The following RABL6 variants were observed in gnomAD, a reference collection of about 807,000 sequenced individuals.
RABL6 encodes the protein rab-like protein 6.
In RABL6, 28 loss-of-function variants were observed where a neutral mutation model predicts 72.9. The ratio of observed to expected loss-of-function variants is 0.38; its 90% CI spans 0.28 to 0.53. The LOEUF (loss-of-function observed/expected upper bound fraction) is 0.53, where lower values mean the gene tolerates loss of function less well. Among genes scored for constraint, RABL6 ranks in the 20% least tolerant of loss-of-function variants. The pLI, the probability that RABL6 is intolerant of heterozygous loss-of-function variation, is 0.80. For synonymous variants in RABL6, 477 were observed against 421.2 expected, an observed-to-expected ratio of 1.13 and a Z score of -1.62; for missense variants, 1,029 against 1,008.4, an observed-to-expected ratio of 1.02 and a Z score of -0.28.
At chr9:136,811,961 A>G (rs1848021569) in intron 1 of RABL6, among the ~76,000 whole-genome samples, 1 of 152,230 alleles carries the variant, frequency 6.6e-6, no homozygotes. Flanking sequence ...GGCCTAGAAG[A>G]GGAAGTCCAT....
In RABL6 at chr9:136,837,871, C is replaced by A. The variant is rs577271373; in HGVS notation, c.1136C>A (p.Pro379Gln). Reference sequence around the variant, plus strand: ...GCATCACTGTTCACAGAGCCAGTCCCGGCCGCAGAGGGCCCAGCAACGGTC... The same window carrying A: ...GCATCACTGTTCACAGAGCCAGTCCAGGCCGCAGAGGGCCCAGCAACGGTC... Reference protein sequence around the residue: ...EAAPPPPEPVPAAEGPATVQS... With the variant: ...EAAPPPPEPVQAAEGPATVQS... Residue 379 changes from proline (P) to glutamine (Q), a missense_variant, in exon 10 of 15, where the codon CCG becomes CAG. Transcript: ENST00000311502. 9 of 1,549,382 alleles carry A rather than the reference C, an allele frequency of 5.8e-6. No homozygotes were observed. In the East Asian group the frequency reaches 2.2e-4, roughly 38 times the overall value.
rs952344157 is a variant in RABL6 at position 136,834,240 on chromosome 9, C to T, written c.706-1502C>T. ...AAATCAGTTGTTTTTTTAACCTGAC[C>T]GTAGTACCTAATGTAATACCGCATG... On this transcript the variant is annotated intron_variant, in intron 7 of 14. Transcript: ENST00000311502. 2.7e-5 allele frequency: 32 copies of T among 1,164,678 alleles called. 1 individual carries two copies. The Admixed American group carries it at 3.8e-4, about 14-fold the overall frequency. The allele number at this position is 1,164,678 out of a possible 1,614,324, so 72.1% of individuals were successfully genotyped here. A position where few individuals can be genotyped will look rare whatever the true frequency, so the allele number is the denominator to read the frequency against.
At chr9:136,838,758 T>C (rs1446450771) in intron 10 of RABL6, 151 bp from the exon 11 acceptor site, 5 of 610,574 alleles carry the variant, frequency 8.2e-6, no homozygotes, top group Non-Finnish European at 1.4e-5. Flanking sequence ...CCTGTGACCA[T>C]GAGGGGGCCT....
In RABL6 at chr9:136,838,031, G is replaced by T. The variant is rs1406011732; in HGVS notation, c.1280+16G>T. ...ACAGCGACAGGTGAGGGGTGGGCCT[G>T]GGCCTCCTCTCCCATTGCCCCCCAG... On this transcript the variant is annotated intron_variant, in intron 10 of 14. Coordinates refer to ENST00000311502, the MANE Select transcript of RABL6 (RefSeq NM_024718.5). The T allele has an allele frequency of 7.1e-6, 11 of 1,552,616 alleles. No individual in the cohort carries two copies. The highest frequency in any genetic ancestry group is 1.4e-5 in the African/African-American group (1 of 73,200).
chr9:136,825,667 C>T (rs1588359423), intron 2 of RABL6, 112 bp from the exon 3 acceptor site: 3 of 1,184,902 alleles, frequency 2.5e-6, no homozygotes, highest in East Asian at 4.7e-5. Context: ...ACTCGGAAGT[C>T]CTGGTGGGAG....
chr9:136,834,710 C>T (rs1305393937), intron 7 of RABL6, among the ~76,000 whole-genome samples: 3 of 152,064 alleles, frequency 2.0e-5, no homozygotes, highest in Non-Finnish European at 4.4e-5. Context: ...ATCTCTTGAC[C>T]TCGTGATCTG....
At chr9:136,813,445 T>C (rs1423942928) in intron 1 of RABL6, 1 of 600,836 alleles carries the variant, frequency 1.7e-6, no homozygotes. Context: ...TAGTCTTGAT[T>C]TAGACCTTTC....
intron 1 of RABL6, chr9:136,812,737 C>CG (rs951430780): frequency 3.2e-6 from 1 of 311,916 alleles, no homozygotes; most frequent in Non-Finnish European, 6.3e-6. Context: ...AAAACCCCAG[C>CG]GTCCTTTCTT....
intron 1 of RABL6, among the ~76,000 whole-genome samples, chr9:136,810,825 G>T (rs994816289): frequency 6.6e-6 from 1 of 152,224 alleles, no homozygotes; most frequent in Admixed American, 6.5e-5. Context: ...ACAGGCGTAA[G>T]CCACCATGCC....
chr9:136,834,645 A>C (rs1309656754), intron 7 of RABL6, among the ~76,000 whole-genome samples: 1 of 151,952 alleles, frequency 6.6e-6, no homozygotes, highest in Non-Finnish European at 1.5e-5. Flanking sequence ...CGCCTGGCTA[A>C]TTTTTGTATT....
intron 1 of RABL6, 25 bp from the exon 2 acceptor site, chr9:136,823,500 T>C: frequency 1.2e-6 from 2 of 1,612,472 alleles, no homozygotes; most frequent in Non-Finnish European, 1.7e-6. Flanking sequence ...TAATTTGCCT[T>C]TTCTTTTTCT....
At position 136,839,101 on chromosome 9, in the gene RABL6, C is replaced by T; in HGVS notation, c.1473C>T (p.Cys491=). ...GCCCTGCCCCAGCTCCCCAGCAGTG[C>T]TCAGAGCCAGAGACCAAGTGGTAAG... is the stretch of plus-strand genomic sequence containing the variant. ...TKGPAPAPQQ[C]SEPETKWSSI... Residue 491 remains cysteine, a synonymous_variant, in exon 11 of 15, where the codon TGC becomes TGT. Coordinates refer to ENST00000311502, the MANE Select transcript of RABL6 (RefSeq NM_024718.5). The T allele has an allele frequency of 6.8e-6, 11 of 1,612,350 alleles. No homozygotes were observed. Among genetic ancestry groups the T allele is most frequent in the Non-Finnish European group, 9.3e-6 (11 of 1,179,774 alleles).
chr9:136,814,083 G>A, intron 1 of RABL6: 1 of 352,468 alleles, frequency 2.8e-6, no homozygotes, highest in Non-Finnish European at 5.7e-6. Flanking sequence ...CTCTTTCCAG[G>A]TCTTCAGCAG....
In RABL6 at chr9:136,839,879, C is replaced by G; in HGVS notation, c.1930+14C>G. On this transcript the variant is annotated intron_variant, in intron 13 of 14. Transcript: ENST00000311502. ...GCAGTGAGGAAGGTGGGTGGGGGCA[C>G]CAGAGTGCGGTCAGCCTGCTGGAGT... The G allele has an allele frequency of 1.2e-6, 2 of 1,608,362 alleles. No individual in the cohort carries two copies. Among genetic ancestry groups the G allele is most frequent in the East Asian group, 2.2e-5 (1 of 44,734 alleles).
At chr9:136,838,036 T>A (rs773108389) in intron 10 of RABL6, 21 bp downstream of exon 10, 1 of 1,550,814 alleles carries the variant, frequency 6.4e-7, no homozygotes, top group South Asian at 1.2e-5. Context: ...GGCCTGGGCC[T>A]CCTCTCCCAT....
At chr9:136,815,095 G>T in intron 1 of RABL6, 1 of 226,112 alleles carries the variant, frequency 4.4e-6, no homozygotes, top group Non-Finnish European at 8.9e-6. Context: ...CATCCCCTGA[G>T]GCAGGGGCAC....
At position 136,807,975 on chromosome 9, in the gene RABL6, G is replaced by A; in HGVS notation, c.-222G>A. ...ATGGCGGCGCTGACTCCTGGAGAGC[G>A]GTCGCGCCGGAGGCCGCGGGGGCCG... On this transcript the variant is annotated 5_prime_UTR_variant, in exon 1 of 15. Transcript: ENST00000311502. The A allele has an allele frequency of 4.0e-6, 4 of 1,004,882 alleles. No individual in the cohort carries two copies. The highest frequency in any genetic ancestry group is 4.7e-6 in the Non-Finnish European group (4 of 844,536). 62.2% of individuals were successfully genotyped at this position (1,004,882 alleles called of 1,614,324 possible).
At chr9:136,828,601 G>C in intron 4 of RABL6, 55 bp downstream of exon 4, 2 of 1,571,874 alleles carry the variant, frequency 1.3e-6, no homozygotes, top group Non-Finnish European at 1.7e-6. Flanking sequence ...GGGTGCGTGA[G>C]CCGGTGCCCA....
intron 1 of RABL6, chr9:136,809,452 T>A: frequency 3.1e-6 from 1 of 325,494 alleles, no homozygotes; most frequent in Non-Finnish European, 6.5e-6. Context: ...AAACAACTTC[T>A]TAAAGATAAG....
Sources: gnomAD v4.1 joint callset for allele counts (sites outside exome capture counted in the v4.1 genomes callset) on GRCh38, gnomAD v4.1.1 for gene constraint, MANE v1.5 for transcripts, NCBI Gene and HGNC (gene_info 2026-07-23, HGNC 2026-07-21) for gene names.